The following ZDHHC11B variants were observed in gnomAD, a reference collection of about 807,000 sequenced individuals.
ZDHHC11B encodes probable palmitoyltransferase ZDHHC11B.
Under a neutral mutation model 42.3 loss-of-function variants are expected in ZDHHC11B, and 17 were observed. That is an observed-to-expected ratio of 0.40 (90% CI 0.27 to 0.60). The LOEUF is 0.60. Among genes scored for constraint, ZDHHC11B ranks in the 20% least tolerant of loss-of-function variants. The probability of loss-of-function intolerance (pLI) is 0.41; values close to 1 mark genes in which losing one functional copy is unlikely to be tolerated. For missense variants in ZDHHC11B, 262 were observed against 463.2 expected, an observed-to-expected ratio of 0.57 and a Z score of 3.99; for synonymous variants, 123 against 193.5, an observed-to-expected ratio of 0.64 and a Z score of 3.02.
intron 12 of ZDHHC11B, among the ~76,000 whole-genome samples, chr5:724,933 C>A (rs1178114058): frequency 2.0e-5 from 3 of 146,716 alleles, no homozygotes; most frequent in Non-Finnish European, 4.5e-5. Context: ...ACATCTGCAC[C>A]CCTCGCTGAG....
chr5:778,590 G>A, intron 1 of ZDHHC11B, among the ~76,000 whole-genome samples: 1 of 151,898 alleles, frequency 6.6e-6, no homozygotes, highest in Non-Finnish European at 1.5e-5. Context: ...TTACCCTTGG[G>A]GCTCAGGGTC....
chr5:761,513 A>G (rs1398556753), intron 4 of ZDHHC11B, among the ~76,000 whole-genome samples: 1 of 151,918 alleles, frequency 6.6e-6, no homozygotes, highest in African/African-American at 2.4e-5. Context: ...CAGCAGGGCC[A>G]CAGGGCACAC....
chr5:739,018 T>C (rs1394831735), intron 10 of ZDHHC11B, among the ~76,000 whole-genome samples: 2 of 150,602 alleles, frequency 1.3e-5, no homozygotes, highest in African/African-American at 2.5e-5. Flanking sequence ...AACCCAGGGA[T>C]AGGAAGAAAA....
chr5:758,413 G>C (rs1187690891), intron 4 of ZDHHC11B, among the ~76,000 whole-genome samples: 1 of 151,892 alleles, frequency 6.6e-6, no homozygotes, highest in Admixed American at 6.6e-5. Context: ...TCCGGGCTTC[G>C]CACAAAGAAG....
intron 4 of ZDHHC11B, among the ~76,000 whole-genome samples, chr5:761,098 A>C (rs1734552038): frequency 6.6e-6 from 1 of 151,876 alleles, no homozygotes; most frequent in African/African-American, 2.4e-5. Context: ...CGGATTCTGG[A>C]TTAAAAAATC....
At chr5:736,003 A>G (rs1178335271) in intron 10 of ZDHHC11B, among the ~76,000 whole-genome samples, 1 of 149,814 alleles carries the variant, frequency 6.7e-6, no homozygotes, top group East Asian at 2.0e-4. Flanking sequence ...GCCTATAAGC[A>G]CCATCTAAAA....
At chr5:776,643 G>A (rs888110136) in intron 1 of ZDHHC11B, among the ~76,000 whole-genome samples, 1 of 151,884 alleles carries the variant, frequency 6.6e-6, no homozygotes, top group Admixed American at 6.6e-5. Context: ...CGAAGCCCCA[G>A]AAGCAAAAGC....
At chr5:784,260 C>T (rs1355051368) in intron 1 of ZDHHC11B, among the ~76,000 whole-genome samples, 1 of 127,510 alleles carries the variant, frequency 7.8e-6, no homozygotes, top group African/African-American at 3.6e-5. Flanking sequence ...CGCCTCACAC[C>T]GGCGGCCCCC....
intron 4 of ZDHHC11B, among the ~76,000 whole-genome samples, chr5:758,533 G>A (rs1485160727): frequency 1.3e-5 from 2 of 151,762 alleles, no homozygotes; most frequent in Non-Finnish European, 2.9e-5. Flanking sequence ...GCTCAGGGCT[G>A]TCCTGAGCCT....
At chr5:784,623 G>GC (rs1737121988) in intron 1 of ZDHHC11B, among the ~76,000 whole-genome samples, 45 bp downstream of exon 1, 10 of 151,730 alleles carry the variant, frequency 6.6e-5, no homozygotes, top group Admixed American at 5.2e-4. Context: ...GCCCCCGGGT[G>GC]CCCCCCGCGC....
At chr5:717,454 G>A (rs1741839689) in intron 12 of ZDHHC11B, among the ~76,000 whole-genome samples, 1 of 151,762 alleles carries the variant, frequency 6.6e-6, no homozygotes, top group South Asian at 2.1e-4. Flanking sequence ...TTGCAACGCT[G>A]AATGTGTCAG....
intron 12 of ZDHHC11B, among the ~76,000 whole-genome samples, chr5:718,417 T>C (rs1261916639): frequency 2.0e-5 from 3 of 151,738 alleles, no homozygotes; most frequent in Non-Finnish European, 4.4e-5. Flanking sequence ...CTCACACCTG[T>C]AATCCCAGCA....
chr5:763,837 T>C (rs1219785675), intron 4 of ZDHHC11B, among the ~76,000 whole-genome samples: 1 of 151,874 alleles, frequency 6.6e-6, no homozygotes, highest in Non-Finnish European at 1.5e-5. Flanking sequence ...CTGGAGCATT[T>C]ACAGGTGAAA....
At position 777,471 on chromosome 5, in the gene ZDHHC11B, ACC is replaced by A. The variant is rs200812979; in HGVS notation, c.-230+7195_-230+7196del. On this transcript the variant is annotated intron_variant, in intron 1 of 13. Coordinates refer to ENST00000508859, the MANE Select transcript of ZDHHC11B (RefSeq NM_001351303.2). ...GCTACAGCTCACAAAAGCGGCGCGC[ACC>A]CAGACTGAGCGGCAAGATTTATTGC... is the stretch of plus-strand genomic sequence containing the variant. 8.4e-5 allele frequency among the ~76,000 whole-genome samples: 8 copies of A among 94,740 alleles called. 1 individual carries two copies. Among genetic ancestry groups the A allele is most frequent in the Non-Finnish European group, 1.3e-4 (6 of 44,726 alleles). The allele number at this position is 94,740 out of a possible 152,430, so 62.2% of individuals were successfully genotyped here.
At chr5:757,616 C>A (rs1264078335) in intron 4 of ZDHHC11B, among the ~76,000 whole-genome samples, 3 of 151,950 alleles carry the variant, frequency 2.0e-5, no homozygotes, top group Non-Finnish European at 2.9e-5. Context: ...CTGGTTCCGA[C>A]TGAAATGCAG....
At chr5:762,405 C>G (rs1434909098) in intron 4 of ZDHHC11B, among the ~76,000 whole-genome samples, 1 of 151,996 alleles carries the variant, frequency 6.6e-6, no homozygotes, top group African/African-American at 2.4e-5. Context: ...ACGTCTCTCA[C>G]TAAAGCACAT....
chr5:764,362 C>T (rs1735001351), intron 4 of ZDHHC11B, among the ~76,000 whole-genome samples: 2 of 149,834 alleles, frequency 1.3e-5, no homozygotes, highest in African/African-American at 4.9e-5. Flanking sequence ...GAGCCGGCTC[C>T]CTCGGCTTGT....
intron 1 of ZDHHC11B, among the ~76,000 whole-genome samples, chr5:777,863 G>A (rs540482821): frequency 1.4e-4 from 22 of 151,902 alleles, no homozygotes; most frequent in Non-Finnish European, 2.8e-4. Flanking sequence ...GGGACCCGGC[G>A]GGGGCGGCGC....
intron 3 of ZDHHC11B, 90 bp from the exon 4 acceptor site, chr5:767,009 C>T: frequency 6.9e-7 from 1 of 1,449,232 alleles, no homozygotes; most frequent in Non-Finnish European, 9.5e-7. Context: ...GGACTGGGAA[C>T]ATGGCCCCCA....
Sources: gnomAD v4.1 joint callset for allele counts (sites outside exome capture counted in the v4.1 genomes callset) on GRCh38, gnomAD v4.1.1 for gene constraint, MANE v1.5 for transcripts, NCBI Gene and HGNC (gene_info 2026-07-23, HGNC 2026-07-21) for gene names.